The following SCRN1 variants were observed in gnomAD, a reference collection of about 807,000 sequenced individuals.
SCRN1 encodes secernin-1.
A neutral mutation model predicts 43.3 loss-of-function variants in SCRN1; 19 were observed. That is an observed-to-expected ratio of 0.44 (90% CI 0.31 to 0.64). The LOEUF (loss-of-function observed/expected upper bound fraction) is 0.64. Among genes scored for constraint, SCRN1 ranks in the 30% least tolerant of loss-of-function variants. The pLI, the probability that SCRN1 is intolerant of heterozygous loss-of-function variation, is 0.09. For synonymous variants in SCRN1, 183 were observed against 188.9 expected (o/e 0.97, Z 0.26); for missense variants, 447 against 524.1 (o/e 0.85, Z 1.44).
chr7:29,934,140 A>G (rs1479720658), intron 6 of SCRN1, among the ~76,000 whole-genome samples: 5 of 152,266 alleles, frequency 3.3e-5, no homozygotes, highest in African/African-American at 7.2e-5. Context: ...ACCATGGAAG[A>G]TAACAACGAA....
chr7:29,940,759 T>C lies in SCRN1; in HGVS notation c.662A>G (p.Asn221Ser), dbSNP rs1333247083. 12 of 1,609,254 alleles carry C rather than the reference T, an allele frequency of 7.5e-6. No homozygotes were observed. The highest frequency in any genetic ancestry group is 1.0e-5 in the Non-Finnish European group (12 of 1,178,688). Residue 221 changes from asparagine to serine, a missense_variant, in exon 5 of 8, where the codon AAT becomes AGT. Asn to Ser is a conservative substitution (Grantham distance 46). Transcript: ENST00000242059. ...AACTGGAGAAAAGACTTCGGAAAAA[T>C]TGAACTCGCCCTCTCCCGTCCACCA... The part of the protein sequence containing the change: ...QGWWTGEGEF[N>S]FSEVFSPVED...
intron 1 of SCRN1, chr7:29,988,691 C>G (rs941033517): frequency 6.6e-6 from 1 of 152,560 alleles, no homozygotes; most frequent in Admixed American, 6.5e-5. Flanking sequence ...GGCTGCCGGA[C>G]GCAAGCGTAA....
intron 2 of SCRN1, among the ~76,000 whole-genome samples, chr7:29,964,086 C>A (rs1168893963): frequency 6.6e-6 from 1 of 152,110 alleles, no homozygotes; most frequent in East Asian, 1.9e-4. Context: ...TTACTGTGAA[C>A]CTTTTAAATA....
chr7:29,969,933 T>C, intron 1 of SCRN1: 1 of 455,236 alleles, frequency 2.2e-6, no homozygotes, highest in Non-Finnish European at 4.4e-6. Flanking sequence ...CTCCATTATC[T>C]AATATATCAC....
intron 7 of SCRN1, among the ~76,000 whole-genome samples, chr7:29,925,447 C>T (rs1050578056): frequency 1.3e-5 from 2 of 152,172 alleles, no homozygotes; most frequent in Non-Finnish European, 2.9e-5. Context: ...CCCTTCAGGC[C>T]AGTTTGGACC....
At chr7:29,973,549 G>A (rs1035815913) in intron 1 of SCRN1, among the ~76,000 whole-genome samples, 2 of 152,190 alleles carry the variant, frequency 1.3e-5, no homozygotes, top group African/African-American at 4.8e-5. Context: ...GTAGGGTAGA[G>A]GCCTGGAGAG....
At position 29,944,002 on chromosome 7, in the gene SCRN1, C is replaced by A; in HGVS notation, c.519G>T (p.Lys173Asn). 1 of 1,614,238 alleles carries A rather than the reference C, an allele frequency of 6.2e-7. No individual in the cohort carries two copies. Among genetic ancestry groups the A allele is most frequent in the Admixed American group, 1.7e-5 (1 of 60,030 alleles). Residue 173 changes from lysine to asparagine, a missense_variant, in exon 4 of 8, where the codon AAG (lysine) becomes AAT (asparagine). By Grantham distance (94) the Lys-to-Asn change is moderately conservative (BLOSUM62 0). Transcript: ENST00000242059. Reference sequence around the variant, plus strand: ...CTGTGACTTTCTCGGCAGCCCAGTACTTCCCTATGGTCTCGAGCACCCAGG... The same window carrying A: ...CTGTGACTTTCTCGGCAGCCCAGTAATTCCCTATGGTCTCGAGCACCCAGG... ...DEAWVLETIGKYWAAEKVTEG... is the reference protein window; with the variant it reads ...DEAWVLETIGNYWAAEKVTEG...
At chr7:29,933,724 AG>A (rs1237556640) in intron 6 of SCRN1, among the ~76,000 whole-genome samples, 3 of 151,714 alleles carry the variant, frequency 2.0e-5, no homozygotes, top group Non-Finnish European at 4.4e-5. Flanking sequence ...ACATAGTAGG[AG>A]GAGGGAGGGA....
At chr7:29,929,930 GT>G (rs1206583271) in intron 6 of SCRN1, among the ~76,000 whole-genome samples, 2 of 152,182 alleles carry the variant, frequency 1.3e-5, no homozygotes, top group Non-Finnish European at 2.9e-5. Context: ...GAATGGAGAG[GT>G]TAATCAATGA....
intron 3 of SCRN1, among the ~76,000 whole-genome samples, chr7:29,954,767 G>A (rs1445815388): frequency 4.6e-5 from 7 of 152,118 alleles, no homozygotes; most frequent in African/African-American, 9.7e-5. Flanking sequence ...TGCAACCTCC[G>A]TCTTCCAGGT....
chr7:29,936,594 C>G lies in SCRN1; in HGVS notation c.867G>C (p.Pro289=). The G allele has an allele frequency of 6.2e-7, 1 of 1,602,080 alleles. No homozygotes were observed. Among genetic ancestry groups the G allele is most frequent in the African/African-American group, 1.3e-5 (1 of 74,910 alleles). The change falls in exon 6 of 8, where the codon CCG becomes CCC. Residue 289 remains proline, a synonymous_variant. Transcript: ENST00000242059. ...VSVLPQNRSS[P]CIHYFTGTPD... is the part of the protein sequence containing the mutation. ...GGGTTCCAGTGAAGTAGTGAATGCA[C>G]GGAGAGCTTCTATTCTGCGGCAGGA...
At chr7:29,930,610 G>A (rs912242701) in intron 6 of SCRN1, among the ~76,000 whole-genome samples, 8 of 152,214 alleles carry the variant, frequency 5.3e-5, no homozygotes, top group African/African-American at 9.7e-5. Flanking sequence ...GGACGCCCCC[G>A]AGTGTCCCGT....
At chr7:29,966,300 CAGTG>C (rs1788496749) in intron 2 of SCRN1, among the ~76,000 whole-genome samples, 1 of 152,128 alleles carries the variant, frequency 6.6e-6, no homozygotes, top group African/African-American at 2.4e-5. Flanking sequence ...CAAAGATTCA[CAGTG>C]AGAGTGAAGG....
intron 2 of SCRN1, among the ~76,000 whole-genome samples, chr7:29,967,315 A>AAG (rs1395084880): frequency 1.3e-5 from 2 of 152,194 alleles, no homozygotes; most frequent in African/African-American, 4.8e-5. Flanking sequence ...AATTACTGAA[A>AAG]AGATACTTAA....
rs1786749339 is a variant in SCRN1, at chr7:29,921,326, A to G, written c.*2631T>C. The stretch of plus-strand genomic sequence containing the variant: ...CAGAAAAGCAATCCCTGGTCCACAA[A>G]TTATTCATGTAACAAGCATTTTTCA... On this transcript the variant is annotated 3_prime_UTR_variant, in exon 8 of 8. Transcript: ENST00000242059. 2.0e-5 allele frequency: 3 copies of G among 152,388 alleles called. No homozygotes were observed. The highest frequency in any genetic ancestry group is 6.5e-5 in the Admixed American group (1 of 15,286). 9.4% of individuals were successfully genotyped at this position (152,388 alleles called of 1,614,324 possible). A position where few individuals can be genotyped will look rare whatever the true frequency, so the allele number is the denominator to read the frequency against.
At chr7:29,938,017 T>C (rs1223265801) in intron 5 of SCRN1, among the ~76,000 whole-genome samples, 1 of 152,166 alleles carries the variant, frequency 6.6e-6, no homozygotes, top group Non-Finnish European at 1.5e-5. Context: ...TCTCTGCCTC[T>C]TGTTTTTTCC....
At chr7:29,936,924 T>A (rs574734546) in intron 5 of SCRN1, among the ~76,000 whole-genome samples, 4 of 151,852 alleles carry the variant, frequency 2.6e-5, no homozygotes, top group Admixed American at 2.0e-4. Flanking sequence ...CAGGCGCCTG[T>A]AGTCCCAGCT....
At position 29,920,572 on chromosome 7, in the gene SCRN1, G is replaced by A. The variant is rs1157649124; in HGVS notation, c.*3385C>T. On this transcript the variant is annotated 3_prime_UTR_variant, in exon 8 of 8. Transcript: ENST00000242059. ...CATGCCCAGCAAGGGAACCTCCTCC[G>A]TCCCTCCTCCACGTGCTTCCTTCCT... The A allele has an allele frequency of 2.6e-5, 4 of 152,234 alleles. No individual in the cohort carries two copies. Among genetic ancestry groups the A allele is most frequent in the Non-Finnish European group, 5.9e-5 (4 of 68,100 alleles). The allele number at this position is 152,234 out of a possible 1,614,324, so 9.4% of individuals were successfully genotyped here.
chr7:29,932,651 C>CAAAAAAAAAAAAAA (rs1162835669), intron 6 of SCRN1, among the ~76,000 whole-genome samples: 4 of 8,048 alleles, frequency 5.0e-4, no homozygotes, highest in African/African-American at 1.7e-3. Flanking sequence ...GATTCCATCT[C>CAAAAAAAAAAAAAA]AAAAAAAAAA....
Sources: allele counts gnomAD v4.1 joint callset (sites outside exome capture counted in the v4.1 genomes callset), GRCh38; gene constraint gnomAD v4.1.1; transcripts MANE v1.5; gene names NCBI Gene and HGNC (gene_info 2026-07-23, HGNC 2026-07-21).